Variants in HCRTR2 observed in about 807,000 individuals in gnomAD.
HCRTR2 encodes orexin receptor type 2.
Under a neutral mutation model 49.0 loss-of-function variants are expected in HCRTR2, and 22 were observed. That is an observed-to-expected ratio of 0.45 (90% CI 0.32 to 0.64). The LOEUF is 0.64. HCRTR2 is among the 30% of genes least tolerant of loss of function. The pLI is 0.04. For synonymous variants in HCRTR2, 236 were observed against 205.3 expected, an observed-to-expected ratio of 1.15 and a Z score of -1.28; for missense variants, 491 against 559.4, an observed-to-expected ratio of 0.88 and a Z score of 1.23.
intron 1 of HCRTR2, among the ~76,000 whole-genome samples, chr6:55,186,273 T>C (rs571677115): frequency 6.6e-6 from 1 of 152,332 alleles, no homozygotes; most frequent in East Asian, 1.9e-4. Context: ...TATAAGTACA[T>C]TTTTTAAATT....
At chr6:55,137,990 C>G (rs1043154529) in intron 1 of HCRTR2, among the ~76,000 whole-genome samples, 1 of 152,110 alleles carries the variant, frequency 6.6e-6, no homozygotes, top group African/African-American at 2.4e-5. Context: ...ACTGCTGGCA[C>G]ATTAAATGCA....
intron 1 of HCRTR2, among the ~76,000 whole-genome samples, chr6:55,161,375 A>T (rs917366198): frequency 6.6e-6 from 1 of 152,224 alleles, no homozygotes; most frequent in Admixed American, 6.5e-5. Context: ...CCCACACGAG[A>T]AAGTGGGAAA....
At chr6:55,240,575 C>T (rs1257080028) in intron 1 of HCRTR2, among the ~76,000 whole-genome samples, 1 of 151,978 alleles carries the variant, frequency 6.6e-6, no homozygotes, top group Non-Finnish European at 1.5e-5. Context: ...GAGATTGAGA[C>T]AGGCATATTG....
intron 1 of HCRTR2, among the ~76,000 whole-genome samples, chr6:55,227,059 A>T (rs1202366319): frequency 1.3e-5 from 2 of 152,200 alleles, no homozygotes; most frequent in Non-Finnish European, 1.5e-5. Context: ...TCAGCATAAC[A>T]TAGTAATACA....
At chr6:55,217,472 C>T (rs1165315672) in intron 1 of HCRTR2, among the ~76,000 whole-genome samples, 1 of 152,090 alleles carries the variant, frequency 6.6e-6, no homozygotes, top group Admixed American at 6.6e-5. Flanking sequence ...ATGCTTTGCT[C>T]CTTAAAAATT....
At chr6:55,178,229 G>A (rs1765073344) in intron 1 of HCRTR2, among the ~76,000 whole-genome samples, 1 of 151,900 alleles carries the variant, frequency 6.6e-6, no homozygotes, top group African/African-American at 2.4e-5. Context: ...AGTACCTAGG[G>A]AAAATGATCA....
rs116466955 is a variant in HCRTR2 at position 55,161,091 on chromosome 6, C to T, written c.-377-13120C>T. Among the ~76,000 whole-genome samples, 1,322 of 152,222 alleles carry T rather than the reference C, an allele frequency of 8.7e-3. 14 individuals carry two copies. Among genetic ancestry groups the T allele is most frequent in the African/African-American group, 0.03 (1,236 of 41,510 alleles). Reference sequence around the variant, plus strand: ...TGACCACATCATTGGAAGTAAAAGACTCCTCAGCAAATGCCAAAGAACTAA... The same window carrying T: ...TGACCACATCATTGGAAGTAAAAGATTCCTCAGCAAATGCCAAAGAACTAA... On this transcript the variant is annotated intron_variant, in intron 1 of 7. Coordinates refer to the HCRTR2 transcript ENST00000615358.
intron 1 of HCRTR2, among the ~76,000 whole-genome samples, chr6:55,222,930 T>C (rs116774135): frequency 0.022 from 3,301 of 152,292 alleles, 69 homozygotes; most frequent in Middle Eastern, 0.071. Context: ...TGTTATGTGA[T>C]TTTTACCACA....
At position 55,204,281 on chromosome 6, in the gene HCRTR2, C is replaced by T. The variant is rs529677594; in HGVS notation, c.223+29471C>T. ...GAAGAGCTCTGAGATGTGTGTTCTA[C>T]ACCATTACCCAGAGGGCACCCTCTG... On this transcript the variant is annotated intron_variant, in intron 1 of 6. Transcript: ENST00000370862. Among the ~76,000 whole-genome samples, 4 of 152,268 alleles carry T rather than the reference C, an allele frequency of 2.6e-5. No individual in the cohort carries two copies. In the East Asian group the frequency reaches 7.7e-4, roughly 29 times the overall value.
chr6:55,220,166 G>A (rs930823472), intron 1 of HCRTR2, among the ~76,000 whole-genome samples: 32 of 152,058 alleles, frequency 2.1e-4, no homozygotes, highest in Non-Finnish European at 5.9e-5. Context: ...AAAAATTGAA[G>A]AGGACGAAGC....
intron 1 of HCRTR2, among the ~76,000 whole-genome samples, chr6:55,178,532 C>A (rs1230564052): frequency 1.3e-5 from 2 of 152,244 alleles, no homozygotes; most frequent in East Asian, 3.9e-4. Flanking sequence ...TTTCTTGACA[C>A]ATAGACACTA....
intron 1 of HCRTR2, among the ~76,000 whole-genome samples, chr6:55,180,441 T>C (rs78963483): frequency 0.05 from 7,627 of 152,348 alleles, 273 homozygotes; most frequent in African/African-American, 0.1. Flanking sequence ...GCTGTTTTTC[T>C]GATAGACTAC....
At chr6:55,177,802 T>G (rs1304871290) in intron 1 of HCRTR2, among the ~76,000 whole-genome samples, 2 of 152,098 alleles carry the variant, frequency 1.3e-5, no homozygotes, top group Non-Finnish European at 2.9e-5. Flanking sequence ...ATGCCACCTC[T>G]CCACTCTCAT....
At chr6:55,269,928 C>T (rs989047784) in intron 4 of HCRTR2, among the ~76,000 whole-genome samples, 7 of 152,268 alleles carry the variant, frequency 4.6e-5, no homozygotes, top group African/African-American at 1.7e-4. Flanking sequence ...TGCACCACTG[C>T]ACTCCAGCCT....
chr6:55,242,678 A>AC (rs1766358904), intron 1 of HCRTR2, among the ~76,000 whole-genome samples: 1 of 152,208 alleles, frequency 6.6e-6, no homozygotes, highest in Non-Finnish European at 1.5e-5. Flanking sequence ...TAAGAGACAC[A>AC]ATCTTACATA....
intron 3 of HCRTR2, among the ~76,000 whole-genome samples, chr6:55,262,444 TAA>T (rs1491266305): frequency 5.2e-5 from 7 of 133,390 alleles, no homozygotes; most frequent in Admixed American, 8.4e-5. Context: ...AAATATCTAT[TAA>T]TATATATTAT....
intron 1 of HCRTR2, among the ~76,000 whole-genome samples, chr6:55,121,280 G>T (rs1450431906): frequency 6.6e-6 from 1 of 152,000 alleles, no homozygotes; most frequent in African/African-American, 2.4e-5. Context: ...CTGTTTGTCT[G>T]TTATTGGTGT....
intron 1 of HCRTR2, among the ~76,000 whole-genome samples, chr6:55,107,172 T>C (rs1307357292): frequency 6.6e-6 from 1 of 152,190 alleles, no homozygotes; most frequent in African/African-American, 2.4e-5. Context: ...GTAATTATTC[T>C]TTAAAATTTT....
chr6:55,222,679 T>C (rs530020212), intron 1 of HCRTR2, among the ~76,000 whole-genome samples: 9 of 152,216 alleles, frequency 5.9e-5, no homozygotes, highest in African/African-American at 1.9e-4. Flanking sequence ...AATAAACCAG[T>C]CACAGAATGA....
Sources: allele counts gnomAD v4.1 joint callset (sites outside exome capture counted in the v4.1 genomes callset), GRCh38; gene constraint gnomAD v4.1.1; transcripts MANE v1.5; gene names NCBI Gene and HGNC (gene_info 2026-07-23, HGNC 2026-07-21).